ZNF587: variants seen among roughly 807,000 people sequenced by gnomAD.
ZNF587 encodes the protein zinc finger protein zfp6.
A neutral mutation model predicts 7.5 loss-of-function variants in ZNF587; 8 were observed. The observed-to-expected ratio is 1.06, with a 90% confidence interval of 0.62 to 1.92. The LOEUF is 1.92. ZNF587 is among the 40% of genes most tolerant of loss of function. The probability of loss-of-function intolerance (pLI) is 0.00; values close to 1 mark genes in which losing one functional copy is unlikely to be tolerated. For missense variants in ZNF587, 468 were observed against 692.8 expected, an observed-to-expected ratio of 0.68 and a Z score of 3.64; for synonymous variants, 145 against 237.8, an observed-to-expected ratio of 0.61 and a Z score of 3.59.
rs1194860373 is a variant in ZNF587, at chr19:57,864,048, A to G, written c.*3908A>G. ...CAGAGAGACACATCATCTCAAAAAA[A>G]AAAAAAAAACTCAATCCATAAATGT... On this transcript the variant is annotated 3_prime_UTR_variant, in exon 3 of 3. Transcript: ENST00000339656. 6.6e-6 allele frequency: 1 copy of G among 151,846 alleles called. No individual in the cohort carries two copies. The highest frequency in any genetic ancestry group is 1.9e-4 in the East Asian group (1 of 5,186). The allele number at this position is 151,846 out of a possible 1,614,324, so 9.4% of individuals were successfully genotyped here. A position where few individuals can be genotyped will look rare whatever the true frequency, so the allele number is the denominator to read the frequency against.
Position 57,861,789 on chromosome 19 carries a change from T to TTTTTTTTTTTTTTTTTTC in ZNF587, c.*1649_*1650insTTTTTTTTTTTTTTTTTC, listed in dbSNP as rs1555775628. On this transcript the variant is annotated 3_prime_UTR_variant, in exon 3 of 3. Coordinates refer to ENST00000339656, the MANE Select transcript of ZNF587 (RefSeq NM_032828.4). ...TTTGGTTTTCTTTTTTTTTTTTTTT[T>TTTTTTTTTTTTTTTTTTC]CCAGATGGAGTCTAGCTCTGTCTCC... 6.8e-6 allele frequency: 1 copy of TTTTTTTTTTTTTTTTTTC among 147,982 alleles called. No individual in the cohort carries two copies. Among genetic ancestry groups the TTTTTTTTTTTTTTTTTTC allele is most frequent in the African/African-American group, 2.6e-5 (1 of 38,258 alleles). 9.2% of individuals were successfully genotyped at this position (147,982 alleles called of 1,614,324 possible). A position where few individuals can be genotyped will look rare whatever the true frequency, so the allele number is the denominator to read the frequency against.
intron 2 of ZNF587, chr19:57,857,010 T>C (rs2071364817): frequency 6.6e-6 from 1 of 151,952 alleles, no homozygotes; most frequent in Non-Finnish European, 1.5e-5. Flanking sequence ...TCTTTTGTAA[T>C]ACTTACCTTA....
At chr19:57,850,383 C>A in intron 1 of ZNF587, 1 of 578,312 alleles carries the variant, frequency 1.7e-6, no homozygotes, top group Non-Finnish European at 3.0e-6. Context: ...TCAGAGTTTT[C>A]AAAATTTGGC....
chr19:57,853,002 A>G (rs1462485769), intron 1 of ZNF587, among the ~76,000 whole-genome samples: 1 of 150,966 alleles, frequency 6.6e-6, no homozygotes, highest in East Asian at 2.0e-4. Context: ...ACAGGCATGT[A>G]CCACCACACT....
At chr19:57,857,110 G>A (rs1600122792) in intron 2 of ZNF587, 1 of 152,068 alleles carries the variant, frequency 6.6e-6, no homozygotes, top group East Asian at 1.9e-4. Flanking sequence ...TACATCGTCG[G>A]GTCCTATGTA....
chr19:57,853,239 C>T (rs2071305851), intron 1 of ZNF587, among the ~76,000 whole-genome samples: 1 of 152,176 alleles, frequency 6.6e-6, no homozygotes, highest in Non-Finnish European at 1.5e-5. Context: ...GCAGCTGTAA[C>T]CATGCACACT....
rs117986246 is a variant in ZNF587 at position 57,863,044 on chromosome 19, C to T, written c.*2904C>T. 0.051 allele frequency: 7,791 copies of T among 152,978 alleles called. 289 individuals carry two copies. Among genetic ancestry groups the T allele is most frequent in the Non-Finnish European group, 0.073 (4,980 of 68,220 alleles). The allele number at this position is 152,978 out of a possible 1,614,324, so 9.5% of individuals were successfully genotyped here. A position where few individuals can be genotyped will look rare whatever the true frequency, so the allele number is the denominator to read the frequency against. ...CTCGGCTCACTGCAACTCCACCTCCCGGGTTCACGCCATTCTCTTGCCTCA... is the reference window on the plus strand; with the variant it reads ...CTCGGCTCACTGCAACTCCACCTCCTGGGTTCACGCCATTCTCTTGCCTCA... On this transcript the variant is annotated 3_prime_UTR_variant, in exon 3 of 3. Transcript: ENST00000339656.
chr19:57,860,307 C>T lies in ZNF587; in HGVS notation c.*167C>T, dbSNP rs190474947. 1 of 1,367,130 alleles carries T rather than the reference C, an allele frequency of 7.3e-7. No homozygotes were observed. The highest frequency in any genetic ancestry group is 1.0e-6 in the Non-Finnish European group (1 of 994,620). 84.7% of individuals were successfully genotyped at this position (1,367,130 alleles called of 1,614,324 possible). A position where few individuals can be genotyped will look rare whatever the true frequency, so the allele number is the denominator to read the frequency against. ...GTGTTGAGATGGAGTCTTGTTCTGT[C>T]ACCCAGGCTGGAGTGCAGTGGTGCA... On this transcript the variant is annotated 3_prime_UTR_variant, in exon 3 of 3. Transcript: ENST00000339656.
chr19:57,852,143 AT>A (rs59309403), intron 1 of ZNF587: 164,256 of 385,930 alleles, frequency 0.43, 37,247 homozygotes, highest in African/African-American at 0.63. Context: ...CTTAAGTGCC[AT>A]TTTTTTCAGT....
At position 57,864,622 on chromosome 19, in the gene ZNF587, CTTCA is replaced by C. The variant is rs1039791581; in HGVS notation, c.*4486_*4489del. ...CAGGCACATACATGAAATAGTGATACTTCATTCTCAGTAATATCTTCATCCTTCT... is the reference window on the plus strand; with the variant it reads ...CAGGCACATACATGAAATAGTGATACTTCTCAGTAATATCTTCATCCTTCT... On this transcript the variant is annotated 3_prime_UTR_variant, in exon 3 of 3. Transcript: ENST00000339656. 1.5e-4 allele frequency: 23 copies of C among 152,156 alleles called. No individual in the cohort carries two copies. The highest frequency in any genetic ancestry group is 5.5e-4 in the African/African-American group (23 of 41,508). 9.4% of individuals were successfully genotyped at this position (152,156 alleles called of 1,614,324 possible).
rs1032840994 is a variant in ZNF587 at position 57,860,278 on chromosome 19, C to T, written c.*138C>T. 1 of 1,511,386 alleles carries T rather than the reference C, an allele frequency of 6.6e-7. No homozygotes were observed. Among genetic ancestry groups the T allele is most frequent in the Non-Finnish European group, 9.0e-7 (1 of 1,107,766 alleles). The allele number at this position is 1,511,386 out of a possible 1,614,324, so 93.6% of individuals were successfully genotyped here. Reference sequence around the variant, plus strand: ...GTCTGCTGTCCTCGGTCTTAAGCGACTTCGTGTTGAGATGGAGTCTTGTTC... The same window carrying T: ...GTCTGCTGTCCTCGGTCTTAAGCGATTTCGTGTTGAGATGGAGTCTTGTTC... On this transcript the variant is annotated 3_prime_UTR_variant, in exon 3 of 3. Transcript: ENST00000339656.
At chr19:57,855,922 T>C in intron 1 of ZNF587, 182 bp from the exon 2 acceptor site, 2 of 1,071,036 alleles carry the variant, frequency 1.9e-6, no homozygotes, top group Non-Finnish European at 2.7e-6. Context: ...GTCCACCTAC[T>C]TCTTGTTGCT....
At chr19:57,856,309 T>C (rs2071355200) in intron 2 of ZNF587, 76 bp downstream of exon 2, 1 of 1,531,104 alleles carries the variant, frequency 6.5e-7, no homozygotes, top group Non-Finnish European at 8.8e-7. Flanking sequence ...AGGACTGTCT[T>C]TCTCACCTAA....
At chr19:57,854,972 C>G (rs1458948939) in intron 1 of ZNF587, among the ~76,000 whole-genome samples, 11 of 151,040 alleles carry the variant, frequency 7.3e-5, no homozygotes, top group Non-Finnish European at 1.5e-4. Flanking sequence ...GTATGGAGAT[C>G]GAGACCATCC....
Position 57,861,814 on chromosome 19 carries a change from C to T in ZNF587, c.*1674C>T, listed in dbSNP as rs1486056635. On this transcript the variant is annotated 3_prime_UTR_variant, in exon 3 of 3. Coordinates refer to ENST00000339656, the MANE Select transcript of ZNF587 (RefSeq NM_032828.4). Reference sequence around the variant, plus strand: ...TCCAGATGGAGTCTAGCTCTGTCTCCTAAGCTACAGTGAAGTGGCATGATC... The same window carrying T: ...TCCAGATGGAGTCTAGCTCTGTCTCTTAAGCTACAGTGAAGTGGCATGATC... 1 of 138,320 alleles carries T rather than the reference C, an allele frequency of 7.2e-6. No individual in the cohort carries two copies. The highest frequency in any genetic ancestry group is 1.5e-5 in the Non-Finnish European group (1 of 66,600). 8.6% of individuals were successfully genotyped at this position (138,320 alleles called of 1,614,324 possible).
At position 57,863,717 on chromosome 19, in the gene ZNF587, A is replaced by C. The variant is rs1490317060; in HGVS notation, c.*3577A>C. Reference sequence around the variant, plus strand: ...GAAAGTTAAGAAATGTGGATAAAAGATTGTAAGTTAGAAATGGCAAGATAA... The same window carrying C: ...GAAAGTTAAGAAATGTGGATAAAAGCTTGTAAGTTAGAAATGGCAAGATAA... On this transcript the variant is annotated 3_prime_UTR_variant, in exon 3 of 3. Coordinates refer to ENST00000339656, the MANE Select transcript of ZNF587 (RefSeq NM_032828.4). 6.6e-6 allele frequency: 1 copy of C among 152,072 alleles called. No individual in the cohort carries two copies. The highest frequency in any genetic ancestry group is 1.5e-5 in the Non-Finnish European group (1 of 68,014). 9.4% of individuals were successfully genotyped at this position (152,072 alleles called of 1,614,324 possible).
In ZNF587 at chr19:57,860,709, C is replaced by G. The variant is rs182954490; in HGVS notation, c.*569C>G. On this transcript the variant is annotated 3_prime_UTR_variant, in exon 3 of 3. Transcript: ENST00000339656. The stretch of plus-strand genomic sequence containing the variant: ...ATCAGCCTGGGCAACATAGCCAGAC[C>G]TCCTCTCTACAAAAAGAAAAAAGAA... 2.3e-3 allele frequency: 356 copies of G among 155,324 alleles called. 1 individual carries two copies. The highest frequency in any genetic ancestry group is 3.6e-3 in the Non-Finnish European group (255 of 69,972). The allele number at this position is 155,324 out of a possible 1,614,324, so 9.6% of individuals were successfully genotyped here. A position where few individuals can be genotyped will look rare whatever the true frequency, so the allele number is the denominator to read the frequency against.
At chr19:57,857,309 G>C (rs1313508672) in intron 2 of ZNF587, 2 of 152,064 alleles carry the variant, frequency 1.3e-5, no homozygotes, top group African/African-American at 2.4e-5. Flanking sequence ...AATATGAGTA[G>C]GCACACACTA....
chr19:57,864,836 A>C lies in ZNF587; in HGVS notation c.*4696A>C, dbSNP rs2071487445. 6.6e-6 allele frequency: 1 copy of C among 152,148 alleles called. No homozygotes were observed. The highest frequency in any genetic ancestry group is 1.9e-4 in the East Asian group (1 of 5,188). 9.4% of individuals were successfully genotyped at this position (152,148 alleles called of 1,614,324 possible). On this transcript the variant is annotated 3_prime_UTR_variant, in exon 3 of 3. Transcript: ENST00000339656. ...CACAAAACCTTTGTAATCAGGGGGA[A>C]TTAAAGAGCCTTCCTGGAAAATGGA...
Sources: allele counts gnomAD v4.1 joint callset (sites outside exome capture counted in the v4.1 genomes callset), GRCh38; gene constraint gnomAD v4.1.1; transcripts MANE v1.5; gene names NCBI Gene and HGNC (gene_info 2026-07-23, HGNC 2026-07-21).